The following CAMK2D variants were observed in gnomAD, a reference collection of about 807,000 sequenced individuals.
The protein encoded by CAMK2D is calcium/calmodulin-dependent protein kinase type II subunit delta.
A neutral mutation model predicts 84.0 loss-of-function variants in CAMK2D; 37 were observed. The ratio of observed to expected loss-of-function variants is 0.44; its 90% CI spans 0.34 to 0.58. CAMK2D has a LOEUF of 0.58. Among genes scored for constraint, CAMK2D ranks in the 20% least tolerant of loss-of-function variants. The pLI, the probability that CAMK2D is intolerant of heterozygous loss-of-function variation, is 0.02. For missense variants in CAMK2D, 448 were observed against 652.5 expected (o/e 0.69, Z 3.41); for synonymous variants, 202 against 212.5 (o/e 0.95, Z 0.43).
intron 18 of CAMK2D, among the ~76,000 whole-genome samples, chr4:113,457,966 C>T (rs973731574): frequency 1.4e-4 from 22 of 152,138 alleles, no homozygotes; most frequent in Admixed American, 1.4e-3. Flanking sequence ...GGACAGCTGA[C>T]CAGGGATCTT....
chr4:113,722,622 C>T (rs1260440067), intron 2 of CAMK2D, among the ~76,000 whole-genome samples: 3 of 152,004 alleles, frequency 2.0e-5, no homozygotes, highest in African/African-American at 4.8e-5. Flanking sequence ...CTGGGGTACT[C>T]AAGGGAGTGA....
At chr4:113,493,515 G>T (rs1164782025) in intron 16 of CAMK2D, among the ~76,000 whole-genome samples, 3 of 152,210 alleles carry the variant, frequency 2.0e-5, no homozygotes, top group Admixed American at 6.5e-5. Flanking sequence ...GAGATCAGCT[G>T]TTAGTCTGAT....
intron 18 of CAMK2D, 127 bp from the exon 19 acceptor site, chr4:113,457,690 A>T: frequency 1.4e-6 from 1 of 694,740 alleles, no homozygotes; most frequent in Non-Finnish European, 2.4e-6. Context: ...TTAGTTAATT[A>T]ATCTACTATT....
intron 2 of CAMK2D, among the ~76,000 whole-genome samples, chr4:113,694,652 T>G (rs2099397546): frequency 6.6e-6 from 1 of 152,156 alleles, no homozygotes; most frequent in Admixed American, 6.6e-5. Context: ...CACTCTATCT[T>G]ACTCTGTGCT....
At chr4:113,721,422 A>G (rs1280192805) in intron 2 of CAMK2D, among the ~76,000 whole-genome samples, 1 of 152,154 alleles carries the variant, frequency 6.6e-6, no homozygotes, top group Middle Eastern at 3.2e-3. Context: ...ATTATTAAAA[A>G]CACTTTACCC....
At chr4:113,680,542 C>A (rs2099340570) in intron 2 of CAMK2D, among the ~76,000 whole-genome samples, 1 of 151,018 alleles carries the variant, frequency 6.6e-6, no homozygotes, top group Admixed American at 6.6e-5. Context: ...AGGACATGAG[C>A]TTAAAAAAAA....
intron 2 of CAMK2D, among the ~76,000 whole-genome samples, chr4:113,680,232 A>G (rs2099338405): frequency 2.6e-5 from 4 of 152,312 alleles, no homozygotes; most frequent in Middle Eastern, 6.8e-3. Flanking sequence ...GACCTGTAAG[A>G]TTTTATCAGA....
chr4:113,757,438 AGTAG>A, intron 2 of CAMK2D, among the ~76,000 whole-genome samples: 1 of 152,238 alleles, frequency 6.6e-6, no homozygotes. Flanking sequence ...TCACACAGCC[AGTAG>A]GTATGGGCAG....
chr4:113,499,785 CA>C (rs2098005678), intron 16 of CAMK2D, among the ~76,000 whole-genome samples: 1 of 152,074 alleles, frequency 6.6e-6, no homozygotes, highest in Admixed American at 6.5e-5. Context: ...ACTGCAAATG[CA>C]ATTGATACAA....
chr4:113,465,726 G>A (rs1286364530), intron 16 of CAMK2D, 122 bp from the exon 17 acceptor site: 5 of 637,882 alleles, frequency 7.8e-6, no homozygotes, highest in African/African-American at 1.8e-5. Flanking sequence ...GTACAGTAGC[G>A]CAATCACAGC....
intron 2 of CAMK2D, among the ~76,000 whole-genome samples, chr4:113,669,769 G>A (rs915754762): frequency 6.6e-6 from 1 of 152,142 alleles, no homozygotes; most frequent in African/African-American, 2.4e-5. Flanking sequence ...TTAGGCAGGA[G>A]GAGTAAACCA....
At chr4:113,737,904 A>C (rs1220625178) in intron 2 of CAMK2D, among the ~76,000 whole-genome samples, 1 of 152,074 alleles carries the variant, frequency 6.6e-6, no homozygotes, top group Non-Finnish European at 1.5e-5. Context: ...CATCTGGGTC[A>C]ATGAATTTAG....
chr4:113,756,495 C>T (rs1215092699), intron 2 of CAMK2D, among the ~76,000 whole-genome samples: 1 of 151,934 alleles, frequency 6.6e-6, no homozygotes, highest in East Asian at 1.9e-4. Context: ...TTAGAAAAAA[C>T]AAGCATACTA....
In CAMK2D at chr4:113,562,031, C is replaced by T. The variant is rs114768421; in HGVS notation, c.276-9935G>A. Among the ~76,000 whole-genome samples, 532 of 152,186 alleles carry T rather than the reference C, an allele frequency of 3.5e-3. 3 individuals are homozygous for T. Among genetic ancestry groups the T allele is most frequent in the African/African-American group, 0.012 (497 of 41,528 alleles). On this transcript the variant is annotated intron_variant, in intron 4 of 20. Coordinates refer to ENST00000511664, the MANE Select transcript of CAMK2D (RefSeq NM_001321571.2). ...CCACTTAGTAAGCATTAAAGAAAAG[C>T]CTGATTTGCTCTAGTAATTTTAGCT...
In CAMK2D at chr4:113,517,657, C is replaced by A. The variant is rs1299184718; in HGVS notation, c.602G>T (p.Gly201Val). 2.1e-6 allele frequency: 3 copies of A among 1,418,244 alleles called. No homozygotes were observed. Among genetic ancestry groups the A allele is most frequent in the Non-Finnish European group, 3.0e-6 (3 of 1,003,554 alleles). The allele number at this position is 1,418,244 out of a possible 1,614,324, so 87.9% of individuals were successfully genotyped here. ...CACAAGTAGAATATAGAGAATGACACCTGGAGGAGAATATAATGTTAACAC... is the reference window on the plus strand; with the variant it reads ...CACAAGTAGAATATAGAGAATGACAACTGGAGGAGAATATAATGTTAACAC... ...YGKPVDMWAC[G>V]VILYILLVGY... Residue 201 changes from glycine (G) to valine (V), a missense_variant and splice_region_variant, in exon 9 of 21, where the codon GGT (glycine) becomes GTT (valine). Physicochemically the swap from Gly to Val is moderately radical, Grantham distance 109. Coordinates refer to ENST00000511664, the MANE Select transcript of CAMK2D (RefSeq NM_001321571.2).
At chr4:113,640,319 G>T (rs1463907035) in intron 3 of CAMK2D, among the ~76,000 whole-genome samples, 1 of 152,144 alleles carries the variant, frequency 6.6e-6, no homozygotes, top group Non-Finnish European at 1.5e-5. Flanking sequence ...GCCCTGCGTA[G>T]ATTTAAGAGG....
At chr4:113,630,854 C>T (rs1383880979) in intron 3 of CAMK2D, among the ~76,000 whole-genome samples, 6 of 152,168 alleles carry the variant, frequency 3.9e-5, no homozygotes, top group Admixed American at 1.3e-4. Flanking sequence ...AGAAATTTGA[C>T]TTCTGACTTC....
chr4:113,558,850 T>C (rs1205604292), intron 4 of CAMK2D, among the ~76,000 whole-genome samples: 2 of 151,890 alleles, frequency 1.3e-5, no homozygotes, highest in African/African-American at 4.8e-5. Flanking sequence ...GGTGGGGTGG[T>C]ATGAACCTGT....
intron 8 of CAMK2D, among the ~76,000 whole-genome samples, chr4:113,521,831 T>C (rs2154174231): frequency 6.6e-6 from 1 of 152,294 alleles, no homozygotes; most frequent in African/African-American, 2.4e-5. Context: ...TTGGTTAAGA[T>C]AATATTGGAG....
Sources: gnomAD v4.1 joint callset for allele counts (sites outside exome capture counted in the v4.1 genomes callset) on GRCh38, gnomAD v4.1.1 for gene constraint, MANE v1.5 for transcripts, NCBI Gene and HGNC (gene_info 2026-07-23, HGNC 2026-07-21) for gene names.